Variants in ADGRL3 observed in about 807,000 individuals in gnomAD.
ADGRL3 encodes the protein calcium-independent alpha-latrotoxin receptor 3.
ADGRL3 carries 62 observed loss-of-function variants against 153.5 expected under a neutral mutation model. That is an observed-to-expected ratio of 0.40 (90% CI 0.33 to 0.50). The LOEUF is 0.50. Among genes scored for constraint, ADGRL3 ranks in the 20% least tolerant of loss-of-function variants. The pLI, the probability that ADGRL3 is intolerant of heterozygous loss-of-function variation, is 0.47. For missense variants in ADGRL3, 1,641 were observed against 1,859.4 expected (o/e 0.88, Z 2.16); for synonymous variants, 710 against 672.5 (o/e 1.06, Z -0.86).
At chr4:61,620,573 A>C (rs2149822312) in intron 5 of ADGRL3, among the ~76,000 whole-genome samples, 1 of 151,166 alleles carries the variant, frequency 6.6e-6, no homozygotes, top group East Asian at 2.0e-4. Context: ...TTAAAGAAGT[A>C]GACAAACAAT....
At chr4:61,389,047 GT>G (rs1308229729) in intron 2 of ADGRL3, among the ~76,000 whole-genome samples, 3 of 151,912 alleles carry the variant, frequency 2.0e-5, no homozygotes, top group African/African-American at 7.3e-5. Context: ...TTTAATTTCT[GT>G]TTTTATGTGT....
chr4:61,913,480 A>G (rs558764836), intron 13 of ADGRL3, among the ~76,000 whole-genome samples: 2 of 152,292 alleles, frequency 1.3e-5, no homozygotes, highest in South Asian at 4.1e-4. Flanking sequence ...ACTTTATTCT[A>G]CATGTATACA....
At chr4:61,536,511 ATC>A (rs2098657381) in intron 4 of ADGRL3, among the ~76,000 whole-genome samples, 1 of 152,012 alleles carries the variant, frequency 6.6e-6, no homozygotes, top group Non-Finnish European at 1.5e-5. Flanking sequence ...ATGGATGTCT[ATC>A]TCTTTTGCTA....
At chr4:61,946,880 T>C (rs368293824) in intron 15 of ADGRL3, 34 bp from the exon 16 acceptor site, 367 of 1,499,054 alleles carry the variant, frequency 2.4e-4, no homozygotes, top group Non-Finnish European at 3.3e-4. Flanking sequence ...TTAAGTAGAG[T>C]GGACAAACTA....
At chr4:61,219,679 T>C (rs1414391846) in intron 1 of ADGRL3, among the ~76,000 whole-genome samples, 1 of 152,232 alleles carries the variant, frequency 6.6e-6, no homozygotes, top group Non-Finnish European at 1.5e-5. Flanking sequence ...TTTTCATTAA[T>C]AATGTAAATA....
At chr4:61,876,403 G>A (rs558818307) in intron 9 of ADGRL3, among the ~76,000 whole-genome samples, 14 of 151,978 alleles carry the variant, frequency 9.2e-5, no homozygotes, top group East Asian at 5.8e-4. Context: ...CCTGATGCAC[G>A]GCCTTGCCTG....
chr4:61,577,076 T>C (rs957876891), intron 4 of ADGRL3, among the ~76,000 whole-genome samples: 2 of 152,012 alleles, frequency 1.3e-5, no homozygotes, highest in African/African-American at 4.8e-5. Context: ...TTAGTATTAC[T>C]TTCCCTAGGG....
chr4:62,056,559 A>C (rs1053250979), intron 25 of ADGRL3, among the ~76,000 whole-genome samples: 8 of 152,140 alleles, frequency 5.3e-5, no homozygotes, highest in Admixed American at 5.2e-4. Context: ...CTTGCTTTAC[A>C]CTGAAGTTGG....
intron 1 of ADGRL3, among the ~76,000 whole-genome samples, chr4:61,370,600 T>A (rs2096501888): frequency 6.6e-6 from 1 of 152,252 alleles, no homozygotes; most frequent in African/African-American, 2.4e-5. Flanking sequence ...AGAGATAGTT[T>A]GTTATAATTT....
intron 6 of ADGRL3, among the ~76,000 whole-genome samples, chr4:61,701,998 GA>G (rs908133495): frequency 4.6e-5 from 7 of 152,058 alleles, no homozygotes; most frequent in African/African-American, 1.7e-4. Context: ...AGGAATTATG[GA>G]ATTGTAGAAT....
At chr4:61,516,408 T>G (rs1227949613) in intron 3 of ADGRL3, among the ~76,000 whole-genome samples, 1 of 152,148 alleles carries the variant, frequency 6.6e-6, no homozygotes, top group East Asian at 1.9e-4. Context: ...TTTGTAAAAT[T>G]TATCCTTTCT....
chr4:61,857,177 C>T (rs1213725466), intron 9 of ADGRL3, among the ~76,000 whole-genome samples: 2 of 151,416 alleles, frequency 1.3e-5, no homozygotes, highest in Non-Finnish European at 2.9e-5. Flanking sequence ...AACAATTCTC[C>T]CACCACAGCC....
chr4:61,620,886 G>A (rs1465763895), intron 5 of ADGRL3, among the ~76,000 whole-genome samples: 2 of 151,806 alleles, frequency 1.3e-5, no homozygotes, highest in Non-Finnish European at 2.9e-5. Flanking sequence ...TGATCCACCC[G>A]CCTCTGCCTC....
intron 2 of ADGRL3, among the ~76,000 whole-genome samples, chr4:61,429,466 T>C (rs980175115): frequency 2.0e-5 from 3 of 152,146 alleles, no homozygotes; most frequent in Admixed American, 2.0e-4. Flanking sequence ...GTATTATGTA[T>C]CTTTTTATAT....
intron 2 of ADGRL3, among the ~76,000 whole-genome samples, chr4:61,464,120 T>G (rs2097853898): frequency 6.6e-6 from 1 of 152,220 alleles, no homozygotes; most frequent in Non-Finnish European, 1.5e-5. Flanking sequence ...ACAGGCCACC[T>G]ACCAGGTTTG....
At chr4:61,932,523 G>A (rs981878714) in intron 13 of ADGRL3, among the ~76,000 whole-genome samples, 2 of 152,058 alleles carry the variant, frequency 1.3e-5, no homozygotes, top group Admixed American at 1.3e-4. Flanking sequence ...GGGATAAATT[G>A]CACTTGATCA....
intron 9 of ADGRL3, among the ~76,000 whole-genome samples, chr4:61,865,259 G>T (rs1338044215): frequency 8.3e-6 from 1 of 120,106 alleles, no homozygotes; most frequent in South Asian, 2.5e-4. Flanking sequence ...CCATATACAA[G>T]CTACTTTAAA....
chr4:61,496,488 A>AC (rs2098317549), intron 2 of ADGRL3, among the ~76,000 whole-genome samples: 1 of 151,592 alleles, frequency 6.6e-6, no homozygotes, highest in East Asian at 1.9e-4. Flanking sequence ...ACATGGAGAA[A>AC]CCCCCTCTCT....
intron 17 of ADGRL3, among the ~76,000 whole-genome samples, chr4:61,953,026 T>A (rs945858331): frequency 6.6e-6 from 1 of 152,210 alleles, no homozygotes; most frequent in Non-Finnish European, 1.5e-5. Context: ...AACCCTATTT[T>A]GATCTTACAA....
Sources: allele counts gnomAD v4.1 joint callset (sites outside exome capture counted in the v4.1 genomes callset), GRCh38; gene constraint gnomAD v4.1.1; transcripts MANE v1.5; gene names NCBI Gene and HGNC (gene_info 2026-07-23, HGNC 2026-07-21).